FANCL: variants seen among roughly 807,000 people sequenced by gnomAD.
FANCL encodes FA complementation group L, also known as E3 ubiquitin-protein ligase FANCL.
Under a neutral mutation model 59.4 loss-of-function variants are expected in FANCL, and 69 were observed. The observed-to-expected ratio is 1.16, with a 90% CI of 0.96 to 1.42. The LOEUF is 1.42. Among genes scored for constraint, FANCL ranks in the 40% most tolerant of loss-of-function variants. The pLI, the probability that FANCL is intolerant of heterozygous loss-of-function variation, is 0.00. For synonymous variants in FANCL, 180 were observed against 147.1 expected (o/e 1.22, Z -1.62); for missense variants, 519 against 447.2 (o/e 1.16, Z -1.45).
chr2:58,197,847 C>A (rs1689580736), intron 7 of FANCL, among the ~76,000 whole-genome samples: 1 of 152,170 alleles, frequency 6.6e-6, no homozygotes, highest in African/African-American at 2.4e-5. Flanking sequence ...GAAAAGGATT[C>A]TCTGATATTA....
chr2:58,226,478 C>A (rs563290732), intron 4 of FANCL, among the ~76,000 whole-genome samples: 3 of 152,104 alleles, frequency 2.0e-5, no homozygotes, highest in Admixed American at 2.0e-4. Context: ...TATTTCTTCA[C>A]CACCTGCCCA....
At chr2:58,198,103 G>A (rs1218544733) in intron 7 of FANCL, among the ~76,000 whole-genome samples, 1 of 151,866 alleles carries the variant, frequency 6.6e-6, no homozygotes, top group African/African-American at 2.4e-5. Flanking sequence ...GTTTGTGTGT[G>A]CATGTAGAGA....
chr2:58,161,562 G>A lies in FANCL; in HGVS notation c.980C>T (p.Ser327Phe), dbSNP rs1226274666. 6.2e-7 allele frequency: 1 copy of A among 1,610,920 alleles called. No homozygotes were observed. Among genetic ancestry groups the A allele is most frequent in the Admixed American group, 1.7e-5 (1 of 59,908 alleles). ...TTGATGGAAAGGTTGTCCACACTGA[G>A]AATTATCACACACTTGATCAGGAAT... Reference protein sequence around the residue: ...GTIPDQVCDNSQCGQPFHQIC... With the variant: ...GTIPDQVCDNFQCGQPFHQIC... Residue 327 changes from serine to phenylalanine, a missense_variant, in exon 12 of 14, where the codon TCT becomes TTT. Transcript: ENST00000233741.
At chr2:58,206,605 A>G (rs1324272890) in intron 5 of FANCL, among the ~76,000 whole-genome samples, 2 of 152,192 alleles carry the variant, frequency 1.3e-5, no homozygotes, top group African/African-American at 2.4e-5. Flanking sequence ...TAACACAGAA[A>G]TAAAAGCTCT....
At chr2:58,220,819 C>T (rs1256455542) in intron 5 of FANCL, among the ~76,000 whole-genome samples, 1 of 152,160 alleles carries the variant, frequency 6.6e-6, no homozygotes, top group Non-Finnish European at 1.5e-5. Flanking sequence ...CACATTCCTT[C>T]CACATTGTAC....
intron 7 of FANCL, among the ~76,000 whole-genome samples, chr2:58,188,401 T>C (rs1262545099): frequency 6.6e-6 from 1 of 152,086 alleles, no homozygotes; most frequent in Non-Finnish European, 1.5e-5. Context: ...CCTTTGCACA[T>C]ACATTTTGGA....
intron 12 of FANCL, 97 bp downstream of exon 12, chr2:58,161,425 T>C (rs1008732634): frequency 3.2e-5 from 27 of 833,006 alleles, no homozygotes; most frequent in East Asian, 2.7e-4. Flanking sequence ...AGGATCACTA[T>C]TGACTCAACA....
At chr2:58,180,555 C>T (rs1287945332) in intron 7 of FANCL, among the ~76,000 whole-genome samples, 4 of 151,700 alleles carry the variant, frequency 2.6e-5, no homozygotes, top group Non-Finnish European at 4.4e-5. Flanking sequence ...CAGGGCCTGT[C>T]GGGGGGTGGG....
intron 7 of FANCL, among the ~76,000 whole-genome samples, chr2:58,167,310 C>T (rs1311457848): frequency 6.6e-6 from 1 of 152,334 alleles, no homozygotes; most frequent in Non-Finnish European, 1.5e-5. Flanking sequence ...TTCTGGTATA[C>T]TTTACTTACC....
chr2:58,180,025 C>A (rs1687771022), intron 7 of FANCL, among the ~76,000 whole-genome samples: 1 of 152,130 alleles, frequency 6.6e-6, no homozygotes, highest in Admixed American at 6.5e-5. Context: ...CAATGAGATA[C>A]TACCACATGC....
intron 8 of FANCL, 140 bp from the exon 9 acceptor site, chr2:58,163,657 G>A (rs1055893955): frequency 1.3e-5 from 8 of 638,794 alleles, no homozygotes; most frequent in African/African-American, 3.7e-5. Flanking sequence ...GTAGTTTTAT[G>A]TAATGGTAAA....
At position 58,241,203 on chromosome 2, in the gene FANCL, C is replaced by T. The variant is rs1411681944; in HGVS notation, c.96+15G>A. ...AGAGGCTCTCTTAGCTAGAAAGCAA[C>T]CACTGGGCGGGTACCTGAGCCGAGA... On this transcript the variant is annotated intron_variant, in intron 1 of 13. Transcript: ENST00000233741. 2 of 1,613,942 alleles carry T rather than the reference C, an allele frequency of 1.2e-6. No homozygotes were observed. Among genetic ancestry groups the T allele is most frequent in the African/African-American group, 2.7e-5 (2 of 75,074 alleles).
At chr2:58,230,621 T>C (rs1277381416) in intron 2 of FANCL, among the ~76,000 whole-genome samples, 1 of 152,218 alleles carries the variant, frequency 6.6e-6, no homozygotes, top group Non-Finnish European at 1.5e-5. Context: ...TCTCTGAGTT[T>C]TCCCCAACAT....
intron 7 of FANCL, among the ~76,000 whole-genome samples, chr2:58,169,280 C>T (rs1478162732): frequency 6.6e-6 from 1 of 152,128 alleles, no homozygotes; most frequent in Non-Finnish European, 1.5e-5. Flanking sequence ...CTGGAGTGGA[C>T]CTCCAGCAAA....
intron 7 of FANCL, among the ~76,000 whole-genome samples, chr2:58,186,421 A>G (rs921426098): frequency 6.6e-6 from 1 of 152,190 alleles, no homozygotes. Context: ...AAGGACATGT[A>G]TGGGGAAAAT....
rs752861007 is a variant in FANCL at position 58,241,322 on chromosome 2, G to C, written c.-9C>G. On this transcript the variant is annotated 5_prime_UTR_variant, in exon 1 of 14. Transcript: ENST00000233741. ...GCTTCCGTCACCGCCATGGCTCGAA[G>C]TCCGGAGAAACACAGAAAAGCTCTA... 3 of 1,613,704 alleles carry C rather than the reference G, an allele frequency of 1.9e-6. No homozygotes were observed. The highest frequency in any genetic ancestry group is 2.5e-6 in the Non-Finnish European group (3 of 1,179,890).
rs549663452 is a variant in FANCL at position 58,175,509 on chromosome 2, C to T, written c.541-9635G>A. ...GCAAATCAATAAATGTAATCCAGCA[C>T]ATAAACAGAACCAAAGACAAAAACC... is the stretch of plus-strand genomic sequence containing the variant. On this transcript the variant is annotated intron_variant, in intron 7 of 13. Coordinates refer to ENST00000233741, the MANE Select transcript of FANCL (RefSeq NM_018062.4). Among the ~76,000 whole-genome samples the T allele has an allele frequency of 4.0e-3, 614 of 152,066 alleles. 6 individuals are homozygous for T. Among genetic ancestry groups the T allele is most frequent in the African/African-American group, 0.014 (572 of 41,350 alleles).
chr2:58,229,933 T>C (rs1237305381), intron 2 of FANCL, 59 bp from the exon 3 acceptor site: 1 of 1,196,176 alleles, frequency 8.4e-7, no homozygotes, highest in Admixed American at 1.7e-5. Flanking sequence ...AACTTATTTG[T>C]ATGCTAACAC....
chr2:58,188,908 A>G (rs1377938646), intron 7 of FANCL, among the ~76,000 whole-genome samples: 1 of 152,180 alleles, frequency 6.6e-6, no homozygotes, highest in Non-Finnish European at 1.5e-5. Context: ...TATGTGGCAC[A>G]TCCATCAATA....
Sources: gnomAD v4.1 joint callset for allele counts (sites outside exome capture counted in the v4.1 genomes callset) on GRCh38, gnomAD v4.1.1 for gene constraint, MANE v1.5 for transcripts, NCBI Gene and HGNC (gene_info 2026-07-23, HGNC 2026-07-21) for gene names.